Variants in ERC2 observed in about 807,000 individuals in gnomAD.
ERC2 encodes ERC protein 2.
A neutral mutation model predicts 114.8 loss-of-function variants in ERC2; 42 were observed. The observed-to-expected ratio is 0.37, with a 90% CI of 0.29 to 0.47. The LOEUF is 0.47. Ranked by LOEUF, ERC2 falls within the 20% of genes least tolerant of loss-of-function variation. The pLI, the probability that ERC2 is intolerant of heterozygous loss-of-function variation, is 0.99. For synonymous variants in ERC2, 454 were observed against 425.5 expected (o/e 1.07, Z -0.82); for missense variants, 939 against 1,150.7 (o/e 0.82, Z 2.66).
chr3:55,548,854 C>T (rs2107396683), intron 17 of ERC2, among the ~76,000 whole-genome samples: 1 of 152,282 alleles, frequency 6.6e-6, no homozygotes, highest in South Asian at 2.1e-4. Flanking sequence ...AAAGAGACAG[C>T]CACCACCTCT....
intron 2 of ERC2, among the ~76,000 whole-genome samples, chr3:56,319,303 C>A (rs79668865): frequency 6.6e-6 from 1 of 150,900 alleles, no homozygotes; most frequent in South Asian, 2.1e-4. Flanking sequence ...GAATATTATT[C>A]AGCCTTAAAA....
intron 17 of ERC2, among the ~76,000 whole-genome samples, chr3:55,653,462 C>T (rs77208814): frequency 0.012 from 1,785 of 152,108 alleles, 30 homozygotes; most frequent in African/African-American, 0.04. Flanking sequence ...CACCACAAAG[C>T]AATGACAGAT....
intron 17 of ERC2, among the ~76,000 whole-genome samples, chr3:55,619,532 A>G (rs2059248202): frequency 6.6e-6 from 1 of 152,194 alleles, no homozygotes; most frequent in Non-Finnish European, 1.5e-5. Context: ...CAGATTTGAG[A>G]GATGCAAGGT....
At chr3:56,119,636 C>T (rs930580503) in intron 6 of ERC2, among the ~76,000 whole-genome samples, 7 of 152,184 alleles carry the variant, frequency 4.6e-5, no homozygotes, top group African/African-American at 1.7e-4. Context: ...ATGGAAAACT[C>T]CAGGAACACT....
chr3:56,238,351 G>T (rs966999561), intron 3 of ERC2, among the ~76,000 whole-genome samples: 9 of 152,190 alleles, frequency 5.9e-5, no homozygotes, highest in African/African-American at 2.2e-4. Flanking sequence ...CTTGTTCAGA[G>T]GATGTAATCT....
chr3:56,238,192 C>T (rs564288952), intron 3 of ERC2, among the ~76,000 whole-genome samples: 94 of 152,306 alleles, frequency 6.2e-4, no homozygotes, highest in African/African-American at 1.9e-3. Context: ...GAGGGACTCA[C>T]CTGAACTTGG....
chr3:55,675,495 A>G (rs563632188), intron 17 of ERC2, among the ~76,000 whole-genome samples: 3 of 152,224 alleles, frequency 2.0e-5, no homozygotes, highest in Admixed American at 2.0e-4. Flanking sequence ...TGATACACCT[A>G]GTGGTGGCCA....
intron 7 of ERC2, among the ~76,000 whole-genome samples, chr3:56,061,785 T>G (rs927251711): frequency 6.6e-6 from 1 of 152,206 alleles, no homozygotes; most frequent in South Asian, 2.1e-4. Flanking sequence ...TTAAAGTTAC[T>G]GTAAACAGAA....
intron 7 of ERC2, among the ~76,000 whole-genome samples, chr3:56,044,717 T>C (rs186110457): frequency 6.6e-6 from 1 of 152,228 alleles, no homozygotes. Context: ...CTCCACAATG[T>C]TGTTATAAGA....
At chr3:55,519,642 T>C (rs2052766012) in intron 17 of ERC2, among the ~76,000 whole-genome samples, 1 of 152,178 alleles carries the variant, frequency 6.6e-6, no homozygotes, top group Non-Finnish European at 1.5e-5. Context: ...TATATTGATC[T>C]CTTCTGCCAT....
Position 56,005,002 on chromosome 3 carries a change from C to T in ERC2, c.2061+2179G>A, listed in dbSNP as rs555612137. On this transcript the variant is annotated intron_variant, in intron 10 of 17. Coordinates refer to ENST00000288221, the MANE Select transcript of ERC2 (RefSeq NM_015576.3). Reference sequence around the variant, plus strand: ...AGGTGATGGGTATTTGAGGTTTTTACGGAACTATTTATTAGCAGAAATTAA... The same window carrying T: ...AGGTGATGGGTATTTGAGGTTTTTATGGAACTATTTATTAGCAGAAATTAA... Among the ~76,000 whole-genome samples the T allele has an allele frequency of 2.2e-4, 33 of 151,646 alleles. 1 individual carries two copies. In the South Asian group the frequency reaches 5.2e-3, roughly 24 times the overall value.
rs536827754 is a variant in ERC2, at chr3:56,015,032, A to G, written c.1779+3862T>C. 3.5e-4 allele frequency among the ~76,000 whole-genome samples: 53 copies of G among 152,318 alleles called. 1 individual carries two copies. The highest frequency in any genetic ancestry group is 3.4e-3 in the Middle Eastern group (1 of 294). Reference sequence around the variant, plus strand: ...TTAATCCTGAAGTTATAATCTTTCAATGTTTAAATTGTTACAGGATTTATA... The same window carrying G: ...TTAATCCTGAAGTTATAATCTTTCAGTGTTTAAATTGTTACAGGATTTATA... On this transcript the variant is annotated intron_variant, in intron 8 of 17. Transcript: ENST00000288221.
In ERC2 at chr3:55,938,668, T is replaced by G. The variant is rs559316262; in HGVS notation, c.2403+11757A>C. Among the ~76,000 whole-genome samples, 10 of 152,298 alleles carry G rather than the reference T, an allele frequency of 6.6e-5. No homozygotes were observed. In the South Asian group the frequency reaches 2.1e-3, roughly 32 times the overall value. On this transcript the variant is annotated intron_variant, in intron 13 of 17. Coordinates refer to ENST00000288221, the MANE Select transcript of ERC2 (RefSeq NM_015576.3). The stretch of plus-strand genomic sequence containing the variant: ...ATTTTTAAATGTGCGGTTTTCTAAT[T>G]TCTTATAAGGATCCTTTCACAGCCA...
Position 55,849,665 on chromosome 3 carries a change from T to C in ERC2, c.2564+38724A>G, listed in dbSNP as rs115039479. The stretch of plus-strand genomic sequence containing the variant: ...CTCTTCAATTTTTACATTCTAATGA[T>C]TTCAAATTTAAATCTTCCAAGGACT... On this transcript the variant is annotated intron_variant, in intron 14 of 17. Coordinates refer to ENST00000288221, the MANE Select transcript of ERC2 (RefSeq NM_015576.3). Among the ~76,000 whole-genome samples, 845 of 152,278 alleles carry C rather than the reference T, an allele frequency of 5.5e-3. 5 individuals are homozygous for C. The highest frequency in any genetic ancestry group is 0.019 in the African/African-American group (804 of 41,540).
intron 15 of ERC2, among the ~76,000 whole-genome samples, chr3:55,720,173 T>C (rs866798776): frequency 1.9e-3 from 2 of 1,074 alleles, no homozygotes; most frequent in Non-Finnish European, 4.6e-3. Flanking sequence ...CTTCTTCTTC[T>C]TCTTCTTCTT....
intron 14 of ERC2, among the ~76,000 whole-genome samples, chr3:55,753,327 C>G (rs748484929): frequency 1.3e-5 from 2 of 152,156 alleles, no homozygotes; most frequent in Non-Finnish European, 1.5e-5. Flanking sequence ...TTTGACAAGT[C>G]ACTTGACTTT....
intron 13 of ERC2, among the ~76,000 whole-genome samples, chr3:55,905,378 T>C (rs927901873): frequency 2.0e-5 from 3 of 152,026 alleles, no homozygotes; most frequent in Admixed American, 1.3e-4. Flanking sequence ...ACCACGCACA[T>C]TCTTCTTTTT....
At chr3:55,766,770 A>G (rs1461770774) in intron 14 of ERC2, 1 of 152,244 alleles carries the variant, frequency 6.6e-6, no homozygotes, top group Non-Finnish European at 1.5e-5. Flanking sequence ...CAGCTCTAGG[A>G]CTATAACCCA....
chr3:55,785,571 ACCTC>A, intron 14 of ERC2, among the ~76,000 whole-genome samples: 1 of 152,166 alleles, frequency 6.6e-6, no homozygotes, highest in East Asian at 1.9e-4. Flanking sequence ...CACACTGAGG[ACCTC>A]ACATGGCAAT....
Sources: gnomAD v4.1 joint callset for allele counts (sites outside exome capture counted in the v4.1 genomes callset) on GRCh38, gnomAD v4.1.1 for gene constraint, MANE v1.5 for transcripts, NCBI Gene and HGNC (gene_info 2026-07-23, HGNC 2026-07-21) for gene names.